The following PASK variants were observed in gnomAD, a reference collection of about 807,000 sequenced individuals.
PASK encodes PAS domain-containing serine/threonine-protein kinase.
PASK carries 110 observed loss-of-function variants against 121.0 expected under a neutral mutation model. The ratio of observed to expected loss-of-function variants is 0.91; its 90% CI spans 0.78 to 1.06. The LOEUF (loss-of-function observed/expected upper bound fraction) is 1.06, where lower values mean the gene tolerates loss of function less well. Ranked by LOEUF, PASK falls within the 50% of genes least tolerant of loss-of-function variation. The probability of loss-of-function intolerance (pLI) is 0.00; values close to 1 mark genes in which losing one functional copy is unlikely to be tolerated. For missense variants in PASK, 1,643 were observed against 1,702.3 expected (o/e 0.97, Z 0.61); for synonymous variants, 686 against 717.8 (o/e 0.96, Z 0.71).
chr2:241,114,953 G>A (rs1462693247), intron 14 of PASK, 90 bp downstream of exon 14: 1 of 1,605,054 alleles, frequency 6.2e-7, no homozygotes, highest in Non-Finnish European at 8.5e-7. Context: ...CTCAGAGAGA[G>A]AACCGAGTAT....
chr2:241,150,070 G>A, upstream of PASK: 4 of 1,295,284 alleles, frequency 3.1e-6, no homozygotes, highest in Non-Finnish European at 3.9e-6. Flanking sequence ...CGTAGGACTG[G>A]CCCGCACCTT....
chr2:241,131,797 T>G (rs2066146931), intron 9 of PASK, among the ~76,000 whole-genome samples: 1 of 152,148 alleles, frequency 6.6e-6, no homozygotes, highest in Non-Finnish European at 1.5e-5. Context: ...GGCTCACACC[T>G]GTAATCCCAG....
Position 241,126,775 on chromosome 2 carries a change from C to G in PASK, c.2140G>C (p.Ala714Pro), listed in dbSNP as rs2065885818. ...AGGTCCGTGGCCAAGGCATAGCAGG[C>G]TGAGGAGCTGCCCGTGCAGCCACCG... ...LCGGCTGSSS[A>P]CYALATDLPG... Residue 714 changes from alanine to proline, a missense_variant, in exon 10 of 18, where the codon GCC (alanine) becomes CCC (proline). By Grantham distance (27) the Ala-to-Pro change is conservative (BLOSUM62 -1). Coordinates refer to ENST00000234040, the MANE Select transcript of PASK (RefSeq NM_015148.4). 1 of 1,613,960 alleles carries G rather than the reference C, an allele frequency of 6.2e-7. No individual in the cohort carries two copies. Among genetic ancestry groups the G allele is most frequent in the Admixed American group, 1.7e-5 (1 of 60,014 alleles).
At position 241,115,918 on chromosome 2, in the gene PASK, A is replaced by G. The variant is rs1392130060; in HGVS notation, c.3073-505T>C. On this transcript the variant is annotated intron_variant, in intron 12 of 17. Transcript: ENST00000234040. ...ACTCGGTCCTCAAGCATCCCGTTAC[A>G]CCAGGGGCCACCATCAGTCCTCAAG... Among the ~76,000 whole-genome samples the G allele has an allele frequency of 4.6e-5, 4 of 86,242 alleles. 1 individual carries two copies. The highest frequency in any genetic ancestry group is 1.2e-4 in the Admixed American group (1 of 8,362). 56.6% of individuals were successfully genotyped at this position (86,242 alleles called of 152,430 possible).
chr2:241,149,044 G>A (rs2067132918), intron 1 of PASK, among the ~76,000 whole-genome samples: 1 of 152,120 alleles, frequency 6.6e-6, no homozygotes, highest in African/African-American at 2.4e-5. Flanking sequence ...GCGGGATCCG[G>A]GCTGGTTCTC....
intron 5 of PASK, among the ~76,000 whole-genome samples, chr2:241,138,329 A>G (rs1050045721): frequency 3.9e-5 from 6 of 152,244 alleles, no homozygotes; most frequent in Admixed American, 6.5e-5. Context: ...CAGCTCATTA[A>G]TAACATCCCA....
intron 1 of PASK, among the ~76,000 whole-genome samples, chr2:241,148,940 C>T (rs2067120645): frequency 6.6e-6 from 1 of 152,110 alleles, no homozygotes; most frequent in African/African-American, 2.4e-5. Flanking sequence ...AAGTCCAGGT[C>T]TTTGCTGTAA....
At position 241,126,607 on chromosome 2, in the gene PASK, G is replaced by A. The variant is rs771190438; in HGVS notation, c.2308C>T (p.Pro770Ser). Residue 770 changes from proline (P) to serine (S), a missense_variant, in exon 10 of 18, where the codon CCC becomes TCC. Physicochemically the swap from Pro to Ser is moderately conservative, Grantham distance 74. Around this residue, in one of 3 missense-constraint regions of PASK, gnomAD observed 1,176 missense variants for 1,162.2 expected, o/e 1.01. Coordinates refer to ENST00000234040, the MANE Select transcript of PASK (RefSeq NM_015148.4). ...TCGGAGCCCACTGCCAAGGAAGAGG[G>A]TGTCTCTCTGAGTTCAGACGTAGCA... is the stretch of plus-strand genomic sequence containing the variant. Reference protein sequence around the residue: ...SCATSELRETPSSLAVGSDPD... With the variant: ...SCATSELRETSSSLAVGSDPD... The A allele has an allele frequency of 6.2e-7, 1 of 1,614,246 alleles. No homozygotes were observed. The highest frequency in any genetic ancestry group is 8.5e-7 in the Non-Finnish European group (1 of 1,180,026).
At chr2:241,131,482 T>C (rs1310440948) in intron 9 of PASK, among the ~76,000 whole-genome samples, 1 of 152,192 alleles carries the variant, frequency 6.6e-6, no homozygotes, top group East Asian at 1.9e-4. Flanking sequence ...ACATACATAC[T>C]TTATATGTAT....
In PASK at chr2:241,108,358, C is replaced by G; in HGVS notation, c.3534-58G>C. 1 of 1,590,724 alleles carries G rather than the reference C, an allele frequency of 6.3e-7. No individual in the cohort carries two copies. The highest frequency in any genetic ancestry group is 8.6e-7 in the Non-Finnish European group (1 of 1,164,134). ...GCACTCAGCGCAGGCTTGCCAAGCCCGCCCATGGGAAGCACCATGGCCCTT... is the reference window on the plus strand; with the variant it reads ...GCACTCAGCGCAGGCTTGCCAAGCCGGCCCATGGGAAGCACCATGGCCCTT... On this transcript the variant is annotated intron_variant, in intron 15 of 17. Coordinates refer to ENST00000234040, the MANE Select transcript of PASK (RefSeq NM_015148.4). This position sits in a 1 kb window ranked among gnomAD's most constrained non-coding sequence, Gnocchi z 5.2.
In PASK at chr2:241,115,055, G is replaced by A. The variant is rs377209949; in HGVS notation, c.3321C>T (p.Tyr1107=). The A allele has an allele frequency of 3.8e-5, 62 of 1,614,176 alleles. No homozygotes were observed. In the African/African-American group the frequency reaches 7.7e-4, roughly 20 times the overall value. ...GGCCTGCTCTCACTTGTCGGAAGAT[G>A]TAGCTCGCCAGGGGCTCATCCAGCC... is the stretch of plus-strand genomic sequence containing the variant. ...HPRLDEPLAS[Y]IFRQLVSAVG... is the part of the protein sequence containing the mutation. Residue 1107 remains tyrosine (Y), a synonymous_variant, in exon 14 of 18, where the codon TAC becomes TAT. Coordinates refer to ENST00000234040, the MANE Select transcript of PASK (RefSeq NM_015148.4).
chr2:241,127,335 T>C lies in PASK; in HGVS notation c.1580A>G (p.Gln527Arg), dbSNP rs780727668. The change falls in exon 10 of 18, where the codon CAG becomes CGG. Residue 527 changes from glutamine (Q) to arginine (R), a missense_variant. By Grantham distance (43) the Gln-to-Arg change is conservative. Transcript: ENST00000234040. ...EEPVAIESPG[Q>R]DLLGESRSEP... ...AGACCTGCTTTCTCCCAGAAGATCC[T>C]GTCCGGGGCTCTCTATTGCCACAGG... The C allele has an allele frequency of 2.5e-6, 4 of 1,614,226 alleles. 1 individual carries two copies. The South Asian group carries it at 4.4e-5, about 18-fold the overall frequency.
intron 8 of PASK, 59 bp downstream of exon 8, chr2:241,135,812 A>G: frequency 3.3e-6 from 5 of 1,500,320 alleles, no homozygotes; most frequent in Non-Finnish European, 4.6e-6. Context: ...TCTCAGAGGC[A>G]TGGGGCTGTC....
rs908961827 is a variant in PASK at position 241,143,076 on chromosome 2, T to C, written c.-42-2A>G. On this transcript the variant is annotated splice_acceptor_variant, in intron 1 of 17. Transcript: ENST00000234040. LOFTEE classifies it low-confidence loss of function (5UTR_SPLICE). Reference sequence around the variant, plus strand: ...CTGCCAAGCTTCCAACTCTAACAACTAGAAAACAACATGAAGCTGATTAAC... The same window carrying C: ...CTGCCAAGCTTCCAACTCTAACAACCAGAAAACAACATGAAGCTGATTAAC... 10 of 1,404,188 alleles carry C rather than the reference T, an allele frequency of 7.1e-6. No homozygotes were observed. Among genetic ancestry groups the C allele is most frequent in the African/African-American group, 5.6e-5 (4 of 70,964 alleles). The allele number at this position is 1,404,188 out of a possible 1,614,324, so 87.0% of individuals were successfully genotyped here. A position where few individuals can be genotyped will look rare whatever the true frequency, so the allele number is the denominator to read the frequency against.
At chr2:241,115,897 G>A (rs1378433119) in intron 12 of PASK, among the ~76,000 whole-genome samples, 3 of 114,622 alleles carry the variant, frequency 2.6e-5, no homozygotes, top group African/African-American at 4.3e-5. Context: ...GGGGCCACTC[G>A]GTCCTCAAGC....
intron 9 of PASK, among the ~76,000 whole-genome samples, chr2:241,131,446 C>T (rs2066127357): frequency 6.6e-6 from 1 of 152,162 alleles, no homozygotes; most frequent in South Asian, 2.1e-4. Context: ...CCGCGCCTGG[C>T]CCATGCATTA....
In PASK at chr2:241,108,042, A is replaced by T; in HGVS notation, c.3667+125T>A. ...GTCATATGCAAATTATTTGATGAATAGAAAAGAAACAAATGAGACTGTTGA... is the reference window on the plus strand; with the variant it reads ...GTCATATGCAAATTATTTGATGAATTGAAAAGAAACAAATGAGACTGTTGA... On this transcript the variant is annotated intron_variant, in intron 16 of 17. Coordinates refer to ENST00000234040, the MANE Select transcript of PASK (RefSeq NM_015148.4). The surrounding 1 kb of genome is among the most constrained non-coding windows in gnomAD (Gnocchi z 5.2). 1 of 947,538 alleles carries T rather than the reference A, an allele frequency of 1.1e-6. No individual in the cohort carries two copies. The allele number at this position is 947,538 out of a possible 1,614,324, so 58.7% of individuals were successfully genotyped here. A position where few individuals can be genotyped will look rare whatever the true frequency, so the allele number is the denominator to read the frequency against.
chr2:241,125,609 G>GAAAAAAAAAA (rs11353969), intron 10 of PASK, among the ~76,000 whole-genome samples: 3 of 118,400 alleles, frequency 2.5e-5, no homozygotes, highest in Non-Finnish European at 5.5e-5. Flanking sequence ...CAAAAAAAAA[G>GAAAAAAAAAA]AAAAAAAAAA....
In PASK at chr2:241,108,374, C is replaced by T. The variant is rs1392655754; in HGVS notation, c.3534-74G>A. On this transcript the variant is annotated intron_variant, in intron 15 of 17. Transcript: ENST00000234040. The surrounding 1 kb of genome is among the most constrained non-coding windows in gnomAD (Gnocchi z 5.2). ...TGCCAAGCCCGCCCATGGGAAGCAC[C>T]ATGGCCCTTCCCGACCAGCACACAG... 1 of 1,500,976 alleles carries T rather than the reference C, an allele frequency of 6.7e-7. No individual in the cohort carries two copies. The highest frequency in any genetic ancestry group is 9.2e-7 in the Non-Finnish European group (1 of 1,085,062). The allele number at this position is 1,500,976 out of a possible 1,614,324, so 93.0% of individuals were successfully genotyped here.
Sources: allele counts gnomAD v4.1 joint callset (sites outside exome capture counted in the v4.1 genomes callset), GRCh38; gene constraint gnomAD v4.1.1; regional missense constraint gnomAD v4.1.1; non-coding constraint Gnocchi (gnomAD v3.1); transcripts MANE v1.5; gene names NCBI Gene and HGNC (gene_info 2026-07-23, HGNC 2026-07-21).